Variants in PCLAF observed in about 807,000 individuals in gnomAD.
PCLAF encodes PCNA clamp associated factor.
PCLAF carries 12 observed loss-of-function variants against 15.1 expected under a neutral mutation model. The ratio of observed to expected loss-of-function variants is 0.79; its 90% confidence interval spans 0.51 to 1.29. The LOEUF (loss-of-function observed/expected upper bound fraction) is 1.29, where lower values mean the gene tolerates loss of function less well. Ranked by LOEUF, PCLAF falls within the 50% of genes most tolerant of loss-of-function variation. PCLAF has a pLI of 0.00. For missense variants in PCLAF, 116 were observed against 130.9 expected, an observed-to-expected ratio of 0.89 and a Z score of 0.56; for synonymous variants, 33 against 47.1, an observed-to-expected ratio of 0.70 and a Z score of 1.22.
chr15:64,385,508 C>G (rs1199310270), upstream of PCLAF, among the ~76,000 whole-genome samples: 3 of 151,934 alleles, frequency 2.0e-5, no homozygotes, highest in Non-Finnish European at 4.4e-5. Flanking sequence ...GCCTGTAATC[C>G]CAGCTACTCG....
At chr15:64,374,807 C>G (rs1405725741) in intron 3 of PCLAF, among the ~76,000 whole-genome samples, 1 of 141,828 alleles carries the variant, frequency 7.1e-6, no homozygotes, top group Non-Finnish European at 1.5e-5. Context: ...CATTGGGCCA[C>G]TGCATTACAG....
intron 3 of PCLAF, among the ~76,000 whole-genome samples, chr15:64,372,308 T>C (rs1156660940): frequency 6.6e-6 from 1 of 152,128 alleles, no homozygotes; most frequent in Non-Finnish European, 1.5e-5. Flanking sequence ...CACACTTCAA[T>C]TACCACATAG....
exon 1 of PCLAF, chr15:64,387,620 G>A (rs543611307): frequency 3.5e-5 from 49 of 1,389,500 alleles, no homozygotes; most frequent in Non-Finnish European, 4.2e-5. Context: ...CGAGTCCTAC[G>A]TTTAGCGATT....
At chr15:64,371,668 A>G (rs537444070) in intron 3 of PCLAF, among the ~76,000 whole-genome samples, 4 of 151,922 alleles carry the variant, frequency 2.6e-5, no homozygotes, top group Non-Finnish European at 4.4e-5. Context: ...CAGTGGCGCA[A>G]TCTTGGCTCA....
chr15:64,366,966 C>T (rs1449487846), intron 3 of PCLAF, among the ~76,000 whole-genome samples: 1 of 148,042 alleles, frequency 6.8e-6, no homozygotes, highest in Admixed American at 6.7e-5. Context: ...GAGAGCCTGT[C>T]TAAAAAAAAA....
At chr15:64,367,520 A>ACAAAAAC (rs34364886) in intron 3 of PCLAF, among the ~76,000 whole-genome samples, 2 of 151,656 alleles carry the variant, frequency 1.3e-5, no homozygotes, top group Admixed American at 6.6e-5. Flanking sequence ...ACCCAAAAAA[A>ACAAAAAC]AAAACAAAAA....
intron 3 of PCLAF, among the ~76,000 whole-genome samples, chr15:64,375,272 G>T (rs566119674): frequency 6.6e-6 from 1 of 151,906 alleles, no homozygotes; most frequent in Admixed American, 6.6e-5. Context: ...TTACAGGCAC[G>T]TGCCACCACG....
Position 64,374,929 on chromosome 15 carries a change from G to A in PCLAF, c.290+1814C>T, listed in dbSNP as rs1428182488. On this transcript the variant is annotated intron_variant, in intron 3 of 3. Transcript: ENST00000300035. ...TCATGAAATACAACGGATGAAACTC[G>A]GAAACTTTTTTTTAAAGGTTGCACA... Among the ~76,000 whole-genome samples, 5 of 151,534 alleles carry A rather than the reference G, an allele frequency of 3.3e-5. No homozygotes were observed. The South Asian group carries it at 6.2e-4, about 19-fold the overall frequency.
At chr15:64,368,263 T>C (rs1404486209) in intron 3 of PCLAF, among the ~76,000 whole-genome samples, 1 of 152,072 alleles carries the variant, frequency 6.6e-6, no homozygotes, top group Non-Finnish European at 1.5e-5. Flanking sequence ...GAGAATCGCT[T>C]GAACCCAGGA....
At position 64,376,860 on chromosome 15, in the gene PCLAF, G is replaced by T; in HGVS notation, c.173C>A (p.Thr58Asn). 1 of 1,613,974 alleles carries T rather than the reference G, an allele frequency of 6.2e-7. No homozygotes were observed. The highest frequency in any genetic ancestry group is 8.5e-7 in the Non-Finnish European group (1 of 1,179,924). The change falls in exon 3 of 4, where the codon ACT becomes AAT. Residue 58 changes from threonine (T) to asparagine (N), a missense_variant. Thr to Asn is a moderately conservative substitution (Grantham distance 65). Transcript: ENST00000300035. ...AGGNPVCVRP[T>N]PKWQKGIGEF... ...TCCAATTCCTTTTTGCCACTTGGGA[G>T]TTGGGCGCACGCAAACGGGGTTCCC...
At position 64,365,906 on chromosome 15, in the gene PCLAF, C is replaced by G. The variant is rs141443755; in HGVS notation, c.*124G>C. On this transcript the variant is annotated 3_prime_UTR_variant, in exon 4 of 4. Coordinates refer to ENST00000300035, the MANE Select transcript of PCLAF (RefSeq NM_014736.6). ...CTACTTTTGAACATCTAAATTTAAA[C>G]CTAAATTTTTTAATTAAATGCCTGT... 6.2e-3 allele frequency: 4,801 copies of G among 771,876 alleles called. 20 individuals carry two copies. Among genetic ancestry groups the G allele is most frequent in the Middle Eastern group, 0.013 (39 of 3,108 alleles). The allele number at this position is 771,876 out of a possible 1,614,324, so 47.8% of individuals were successfully genotyped here.
rs1163288364 is a variant in PCLAF, at chr15:64,364,479, G to C, written c.*1551C>G. The C allele has an allele frequency of 2.0e-5, 3 of 152,056 alleles. No homozygotes were observed. The highest frequency in any genetic ancestry group is 1.9e-4 in the East Asian group (1 of 5,196). 9.4% of individuals were successfully genotyped at this position (152,056 alleles called of 1,614,324 possible). A position where few individuals can be genotyped will look rare whatever the true frequency, so the allele number is the denominator to read the frequency against. ...TTGAAAAATGTCATAGTAGCTCTTA[G>C]GAGTTTTGCCATGCCTATGGGTTTA... On this transcript the variant is annotated 3_prime_UTR_variant, in exon 4 of 4. Transcript: ENST00000300035.
intron 3 of PCLAF, among the ~76,000 whole-genome samples, chr15:64,371,115 C>G (rs1899294399): frequency 6.6e-6 from 1 of 151,446 alleles, no homozygotes; most frequent in African/African-American, 2.4e-5. Flanking sequence ...ACTCCAGGTG[C>G]CTGCCACCAT....
chr15:64,379,546 C>A (rs984315053), intron 2 of PCLAF, among the ~76,000 whole-genome samples: 5 of 151,842 alleles, frequency 3.3e-5, no homozygotes, highest in Non-Finnish European at 7.4e-5. Flanking sequence ...ATAAGTTACT[C>A]TAAAAAAATT....
chr15:64,368,169 C>T (rs1899126104), intron 3 of PCLAF, among the ~76,000 whole-genome samples: 1 of 151,896 alleles, frequency 6.6e-6, no homozygotes, highest in East Asian at 1.9e-4. Flanking sequence ...TAATGAAACC[C>T]TGTCTCTACT....
chr15:64,368,418 G>A (rs112892517), intron 3 of PCLAF, among the ~76,000 whole-genome samples: 3,082 of 152,198 alleles, frequency 0.02, 23 homozygotes, highest in East Asian at 0.035. Flanking sequence ...ATTAACAAAT[G>A]AACATTATCA....
chr15:64,385,482 G>A (rs1053632041), upstream of PCLAF, among the ~76,000 whole-genome samples: 42 of 151,904 alleles, frequency 2.8e-4, no homozygotes, highest in African/African-American at 8.4e-4. Context: ...AAAATTAGCC[G>A]CGCATGGTGG....
In PCLAF at chr15:64,377,484, AAAAAATATATATATATATATAT is replaced by A. The variant is rs1299258672; in HGVS notation, c.128-601_128-580del. Among the ~76,000 whole-genome samples, 49 of 41,550 alleles carry A rather than the reference AAAAAATATATATATATATATAT, an allele frequency of 1.2e-3. 6 individuals are homozygous for A. Among genetic ancestry groups the A allele is most frequent in the African/African-American group, 1.8e-3 (21 of 11,452 alleles). 27.3% of individuals were successfully genotyped at this position (41,550 alleles called of 152,430 possible). On this transcript the variant is annotated intron_variant, in intron 2 of 3. Transcript: ENST00000300035. ...AGACTCTGTCTCAAAAAAAAAAAAA[AAAAAATATATATATATATATAT>A]ATATATATATATATATATATATATA...
At chr15:64,380,796 C>T (rs576865967) in intron 2 of PCLAF, among the ~76,000 whole-genome samples, 162 bp downstream of exon 2, 3 of 152,114 alleles carry the variant, frequency 2.0e-5, no homozygotes, top group Non-Finnish European at 2.9e-5. Flanking sequence ...GACCTCCCCC[C>T]CACCTCTACC....
Sources: gnomAD v4.1 joint callset for allele counts (sites outside exome capture counted in the v4.1 genomes callset) on GRCh38, gnomAD v4.1.1 for gene constraint, MANE v1.5 for transcripts, NCBI Gene and HGNC (gene_info 2026-07-23, HGNC 2026-07-21) for gene names.